Variants in ABTB2 observed in about 807,000 individuals in gnomAD.
ABTB2 encodes ankyrin repeat and BTB domain containing 2.
ABTB2 carries 56 observed loss-of-function variants against 104.1 expected under a neutral mutation model. The observed-to-expected ratio is 0.54, with a 90% CI of 0.43 to 0.67. ABTB2 has a LOEUF of 0.67. Among genes scored for constraint, ABTB2 ranks in the 30% least tolerant of loss-of-function variants. The probability of loss-of-function intolerance (pLI) is 0.00; values close to 1 mark genes in which losing one functional copy is unlikely to be tolerated. For synonymous variants in ABTB2, 606 were observed against 608.2 expected (o/e 1.00, Z 0.05); for missense variants, 1,279 against 1,407.7 (o/e 0.91, Z 1.46).
intron 9 of ABTB2, among the ~76,000 whole-genome samples, chr11:34,163,478 T>A (rs1852752160): frequency 6.6e-6 from 1 of 152,222 alleles, no homozygotes; most frequent in South Asian, 2.1e-4. Context: ...GGATCCATCT[T>A]GCTCAAGGCC....
intron 1 of ABTB2, among the ~76,000 whole-genome samples, chr11:34,341,213 AT>A (rs1423394734): frequency 2.6e-5 from 4 of 152,138 alleles, no homozygotes; most frequent in African/African-American, 9.7e-5. Context: ...TTAAAACACC[AT>A]TTTGCTGAGG....
At chr11:34,345,887 C>T (rs1473936388) in intron 1 of ABTB2, among the ~76,000 whole-genome samples, 2 of 152,222 alleles carry the variant, frequency 1.3e-5, no homozygotes, top group African/African-American at 4.8e-5. Context: ...TGTTCTGCCT[C>T]TCCAGAAGAT....
rs143130226 is a variant in ABTB2 at position 34,272,426 on chromosome 11, G to T, written c.884-67736C>A. On this transcript the variant is annotated intron_variant, in intron 1 of 16. Transcript: ENST00000435224. ...AACTAAAAAACCATACACATTGGCAGGCCAAGCGTGGTGGCTCACGCCTGT... is the reference window on the plus strand; with the variant it reads ...AACTAAAAAACCATACACATTGGCATGCCAAGCGTGGTGGCTCACGCCTGT... Among the ~76,000 whole-genome samples the T allele has an allele frequency of 2.6e-5, 4 of 151,934 alleles. No homozygotes were observed. The East Asian group carries it at 7.7e-4, about 29-fold the overall frequency.
At chr11:34,231,673 C>T (rs562773353) in intron 1 of ABTB2, among the ~76,000 whole-genome samples, 1 of 152,136 alleles carries the variant, frequency 6.6e-6, no homozygotes, top group Non-Finnish European at 1.5e-5. Context: ...TGGGTTCAAG[C>T]GATTCTCCTG....
rs867881382 is a variant in ABTB2, at chr11:34,252,886, G to C, written c.884-48196C>G. On this transcript the variant is annotated intron_variant, in intron 1 of 16. Transcript: ENST00000435224. This position sits in a 1 kb window ranked among gnomAD's most constrained non-coding sequence, Gnocchi z 5.5. ...TGCCCAACCCAGGTGGCTGTCACCT[G>C]GCCTGCACATGGCTCAGGGCCCGAT... is the stretch of plus-strand genomic sequence containing the variant. 6.6e-6 allele frequency among the ~76,000 whole-genome samples: 1 copy of C among 151,966 alleles called. No homozygotes were observed. Among genetic ancestry groups the C allele is most frequent in the Admixed American group, 6.6e-5 (1 of 15,256 alleles).
intron 1 of ABTB2, among the ~76,000 whole-genome samples, chr11:34,345,200 T>C (rs1855315488): frequency 6.6e-6 from 1 of 152,046 alleles, no homozygotes; most frequent in South Asian, 2.1e-4. Context: ...CACCATTTCC[T>C]CTCCAACCAC....
intron 3 of ABTB2, among the ~76,000 whole-genome samples, chr11:34,195,077 G>GGGGC (rs1554982303): frequency 1.0e-5 from 1 of 97,212 alleles, no homozygotes; most frequent in African/African-American, 3.5e-5. Flanking sequence ...ATGCCCGGCG[G>GGGGC]GGGGGGGGAG....
At chr11:34,255,247 TA>T (rs1158507824) in intron 1 of ABTB2, among the ~76,000 whole-genome samples, 1 of 152,166 alleles carries the variant, frequency 6.6e-6, no homozygotes, top group Admixed American at 6.5e-5. Flanking sequence ...ACCTCTAGCC[TA>T]AGGGCCTAGA....
chr11:34,278,625 CCAGTCCTTGTT>C (rs139062263), intron 1 of ABTB2, among the ~76,000 whole-genome samples: 16,978 of 152,138 alleles, frequency 0.11, 1,135 homozygotes, highest in Admixed American at 0.21. Context: ...AGTGTCCTCA[CCAGTCCTTGTT>C]AAGGCACAAG....
intron 1 of ABTB2, among the ~76,000 whole-genome samples, chr11:34,304,750 A>G (rs1479355991): frequency 6.6e-6 from 1 of 152,010 alleles, no homozygotes; most frequent in African/African-American, 2.4e-5. Context: ...TAGTTTGTCC[A>G]TGGACATATA....
In ABTB2 at chr11:34,303,153, A is replaced by G. The variant is rs118116437; in HGVS notation, c.883+53548T>C. Reference sequence around the variant, plus strand: ...GCTGTTGGATTTATGGTACTTAGGAAGATGGCAGTAGTCAGCTCACTTCAT... The same window carrying G: ...GCTGTTGGATTTATGGTACTTAGGAGGATGGCAGTAGTCAGCTCACTTCAT... On this transcript the variant is annotated intron_variant, in intron 1 of 16. Coordinates refer to ENST00000435224, the MANE Select transcript of ABTB2 (RefSeq NM_145804.3). Among the ~76,000 whole-genome samples the G allele has an allele frequency of 2.4e-4, 36 of 152,330 alleles. 1 individual carries two copies. The East Asian group carries it at 6.9e-3, about 29-fold the overall frequency.
rs537214230 is a variant in ABTB2, at chr11:34,229,134, A to AAAAAAG, written c.884-24445_884-24444insCTTTTT. 3.4e-4 allele frequency among the ~76,000 whole-genome samples: 49 copies of AAAAAAG among 144,458 alleles called. 2 individuals carry two copies. Among genetic ancestry groups the AAAAAAG allele is most frequent in the Admixed American group, 5.0e-4 (7 of 14,100 alleles). 94.8% of individuals were successfully genotyped at this position (144,458 alleles called of 152,430 possible). ...GACTCCGTCTTGGAAAAAAAAAAAA[A>AAAAAAG]AGAGAAAAAAGAAAAAGAAAGTGGT... On this transcript the variant is annotated intron_variant, in intron 1 of 16. Coordinates refer to ENST00000435224, the MANE Select transcript of ABTB2 (RefSeq NM_145804.3).
intron 1 of ABTB2, among the ~76,000 whole-genome samples, chr11:34,307,196 T>C (rs556732171): frequency 3.0e-4 from 46 of 152,192 alleles, no homozygotes; most frequent in African/African-American, 8.9e-4. Context: ...CATCCTGGTA[T>C]TGTGAGAACT....
chr11:34,235,883 G>T (rs1056363745), intron 1 of ABTB2, among the ~76,000 whole-genome samples: 1 of 152,224 alleles, frequency 6.6e-6, no homozygotes, highest in Admixed American at 6.5e-5. Flanking sequence ...AGCAGAGCCT[G>T]TTCCTCCTTG....
chr11:34,176,228 C>T lies in ABTB2; in HGVS notation c.1245-2921G>A, dbSNP rs147026401. On this transcript the variant is annotated intron_variant, in intron 3 of 16. Coordinates refer to ENST00000435224, the MANE Select transcript of ABTB2 (RefSeq NM_145804.3). The stretch of plus-strand genomic sequence containing the variant: ...CTGGGAGGCAGAGATCGCAATGAGC[C>T]GAGATCATGCCACTGCACTCCAGCC... 5.0e-3 allele frequency among the ~76,000 whole-genome samples: 661 copies of T among 133,532 alleles called. 5 individuals are homozygous for T. Among genetic ancestry groups the T allele is most frequent in the African/African-American group, 0.017 (628 of 36,494 alleles). 87.6% of individuals were successfully genotyped at this position (133,532 alleles called of 152,430 possible). A position where few individuals can be genotyped will look rare whatever the true frequency, so the allele number is the denominator to read the frequency against.
In ABTB2 at chr11:34,214,139, AACACACAC is replaced by A. The variant is rs10529537; in HGVS notation, c.884-9457_884-9450del. Among the ~76,000 whole-genome samples, 222 of 139,264 alleles carry A rather than the reference AACACACAC, an allele frequency of 1.6e-3. 1 individual carries two copies. The East Asian group carries it at 0.021, about 13-fold the overall frequency. The allele number at this position is 139,264 out of a possible 152,430, so 91.4% of individuals were successfully genotyped here. On this transcript the variant is annotated intron_variant, in intron 1 of 16. Transcript: ENST00000435224. ...TTTTCTATTAAGGCAGCACATTCAA[AACACACAC>A]ACACACACACACACACACACACACA... is the stretch of plus-strand genomic sequence containing the variant.
intron 1 of ABTB2, among the ~76,000 whole-genome samples, chr11:34,258,940 C>A (rs181417770): frequency 6.6e-6 from 1 of 151,604 alleles, no homozygotes; most frequent in Non-Finnish European, 1.5e-5. Flanking sequence ...AGTACATATG[C>A]GTGTGGTAGT....
intron 1 of ABTB2, among the ~76,000 whole-genome samples, chr11:34,275,449 G>A (rs1854371921): frequency 1.3e-5 from 2 of 152,090 alleles, no homozygotes; most frequent in Admixed American, 1.3e-4. Flanking sequence ...GGGGACCATG[G>A]CATGTCACAT....
chr11:34,195,034 C>T (rs1250633753), intron 3 of ABTB2, among the ~76,000 whole-genome samples: 1 of 138,512 alleles, frequency 7.2e-6, no homozygotes, highest in Admixed American at 8.4e-5. Context: ...GGCTGGGAAC[C>T]CTCCTGGGGG....
Sources: gnomAD v4.1 joint callset for allele counts (sites outside exome capture counted in the v4.1 genomes callset) on GRCh38, gnomAD v4.1.1 for gene constraint, Gnocchi (gnomAD v3.1) non-coding constraint, MANE v1.5 for transcripts, NCBI Gene and HGNC (gene_info 2026-07-23, HGNC 2026-07-21) for gene names.